The following PIP4K2A variants were observed in gnomAD, a reference collection of about 807,000 sequenced individuals.
PIP4K2A encodes the protein phosphatidylinositol-5-phosphate 4-kinase type 2 alpha.
A neutral mutation model predicts 42.9 loss-of-function variants in PIP4K2A; 14 were observed. The observed-to-expected ratio is 0.33, with a 90% CI of 0.22 to 0.51. PIP4K2A has a LOEUF of 0.51. Among genes scored for constraint, PIP4K2A ranks in the 20% least tolerant of loss-of-function variants. The probability of loss-of-function intolerance (pLI) is 0.97; values close to 1 mark genes in which losing one functional copy is unlikely to be tolerated. For missense variants in PIP4K2A, 434 were observed against 519.8 expected, an observed-to-expected ratio of 0.83 and a Z score of 1.61; for synonymous variants, 192 against 192.2, an observed-to-expected ratio of 1.00 and a Z score of 0.01.
chr10:22,672,342 C>A (rs1221212390), intron 1 of PIP4K2A, among the ~76,000 whole-genome samples: 1 of 152,096 alleles, frequency 6.6e-6, no homozygotes, highest in Admixed American at 6.5e-5. Context: ...ATGCACTGTC[C>A]TTGAACAATG....
intron 6 of PIP4K2A, among the ~76,000 whole-genome samples, chr10:22,551,476 A>G (rs996819628): frequency 6.6e-6 from 1 of 152,254 alleles, no homozygotes; most frequent in African/African-American, 2.4e-5. Context: ...CACTTATGGC[A>G]ACCAACACAA....
chr10:22,700,486 A>G (rs1174251519), intron 1 of PIP4K2A, among the ~76,000 whole-genome samples: 1 of 152,230 alleles, frequency 6.6e-6, no homozygotes, highest in African/African-American at 2.4e-5. Flanking sequence ...TTTTGGATGC[A>G]TGACCCGAGA....
intron 1 of PIP4K2A, among the ~76,000 whole-genome samples, chr10:22,705,076 T>G (rs1387832424): frequency 6.6e-6 from 1 of 151,586 alleles, no homozygotes; most frequent in Non-Finnish European, 1.5e-5. Flanking sequence ...AATGAGGTTA[T>G]ATGCTGAGGG....
At chr10:22,639,793 T>C (rs953297397) in intron 1 of PIP4K2A, among the ~76,000 whole-genome samples, 26 of 152,168 alleles carry the variant, frequency 1.7e-4, no homozygotes, top group Non-Finnish European at 1.0e-4. Flanking sequence ...AACTAAAAAG[T>C]TGTATTTCAT....
Position 22,547,578 on chromosome 10 carries a change from G to A in PIP4K2A, c.792+3081C>T, listed in dbSNP as rs74755600. On this transcript the variant is annotated intron_variant, in intron 7 of 9. Coordinates refer to ENST00000376573, the MANE Select transcript of PIP4K2A (RefSeq NM_005028.5). The stretch of plus-strand genomic sequence containing the variant: ...TGCCACCCATCCCACTACTCCCACC[G>A]CCCTATCCCCTCTCACCCATCTCCA... 1.5e-4 allele frequency among the ~76,000 whole-genome samples: 23 copies of A among 152,244 alleles called. No homozygotes were observed. The East Asian group carries it at 3.5e-3, about 23-fold the overall frequency.
intron 3 of PIP4K2A, among the ~76,000 whole-genome samples, chr10:22,605,758 G>A (rs572010503): frequency 1.3e-5 from 2 of 151,872 alleles, no homozygotes; most frequent in South Asian, 4.2e-4. Context: ...GACGTGGAGA[G>A]AAGGAGGAAC....
At chr10:22,688,637 G>C (rs370479745) in intron 1 of PIP4K2A, among the ~76,000 whole-genome samples, 1 of 152,046 alleles carries the variant, frequency 6.6e-6, no homozygotes, top group Non-Finnish European at 1.5e-5. Flanking sequence ...ATTTTTCATA[G>C]AGATGGGGTC....
At chr10:22,552,473 C>T in intron 6 of PIP4K2A, among the ~76,000 whole-genome samples, 1 of 151,884 alleles carries the variant, frequency 6.6e-6, no homozygotes, top group Non-Finnish European at 1.5e-5. Context: ...ATACGTGCAC[C>T]CCCCATTCCC....
chr10:22,704,449 A>G (rs1232043266), intron 1 of PIP4K2A, among the ~76,000 whole-genome samples: 1 of 152,058 alleles, frequency 6.6e-6, no homozygotes, highest in Non-Finnish European at 1.5e-5. Flanking sequence ...CGGTGTCTCT[A>G]TAGAAATAGG....
chr10:22,705,426 T>TAAAAAAAAAAAAAAAA, intron 1 of PIP4K2A, among the ~76,000 whole-genome samples: 1 of 29,244 alleles, frequency 3.4e-5, no homozygotes, highest in Non-Finnish European at 5.7e-5. Context: ...GTACCCCAGT[T>TAAAAAAAAAAAAAAAA]AAAAAAAAAA....
At chr10:22,676,223 G>C (rs1839555440) in intron 1 of PIP4K2A, among the ~76,000 whole-genome samples, 1 of 152,092 alleles carries the variant, frequency 6.6e-6, no homozygotes, top group Non-Finnish European at 1.5e-5. Context: ...TGCTCAATAA[G>C]ACCCTTGACC....
intron 6 of PIP4K2A, among the ~76,000 whole-genome samples, chr10:22,560,751 C>T (rs182230417): frequency 1.3e-5 from 2 of 152,278 alleles, no homozygotes; most frequent in East Asian, 3.9e-4. Context: ...ATTACACATA[C>T]TTTACTTTAC....
At chr10:22,680,903 T>A (rs1839646762) in intron 1 of PIP4K2A, among the ~76,000 whole-genome samples, 2 of 152,280 alleles carry the variant, frequency 1.3e-5, no homozygotes, top group South Asian at 4.1e-4. Context: ...ACCTGGGTCT[T>A]CCTGCATGTA....
intron 4 of PIP4K2A, among the ~76,000 whole-genome samples, chr10:22,577,708 G>GCGACGCATCTTGT (rs1255155743): frequency 3.3e-5 from 5 of 152,190 alleles, no homozygotes; most frequent in Non-Finnish European, 7.3e-5. Flanking sequence ...CAGTCACACT[G>GCGACGCATCTTGT]CGACGCATCT....
intron 1 of PIP4K2A, among the ~76,000 whole-genome samples, chr10:22,643,835 C>T (rs575579816): frequency 1.3e-5 from 2 of 152,150 alleles, no homozygotes; most frequent in African/African-American, 2.4e-5. Flanking sequence ...CTCCCTGAAG[C>T]GGTCATCCCC....
chr10:22,591,814 G>A (rs773450664), intron 3 of PIP4K2A, 33 bp from the exon 4 acceptor site: 12 of 1,569,662 alleles, frequency 7.6e-6, no homozygotes, highest in South Asian at 3.5e-5. Context: ...GAAGGAAGGC[G>A]GGGGAAGATA....
At position 22,585,550 on chromosome 10, in the gene PIP4K2A, G is replaced by A. The variant is rs566383930; in HGVS notation, c.492+6079C>T. Among the ~76,000 whole-genome samples, 10 of 151,878 alleles carry A rather than the reference G, an allele frequency of 6.6e-5. No individual in the cohort carries two copies. The South Asian group carries it at 8.3e-4, about 13-fold the overall frequency. ...GATCACCTATATTGCAGCTTCCCTC[G>A]GGTTACATTCTAAGTCCTATACAAC... On this transcript the variant is annotated intron_variant, in intron 4 of 9. Coordinates refer to ENST00000376573, the MANE Select transcript of PIP4K2A (RefSeq NM_005028.5).
At chr10:22,578,411 T>C (rs995334001) in intron 4 of PIP4K2A, among the ~76,000 whole-genome samples, 2 of 152,192 alleles carry the variant, frequency 1.3e-5, no homozygotes, top group Admixed American at 1.3e-4. Context: ...TGACAGATGC[T>C]TCTCCGCCTT....
chr10:22,676,014 G>C (rs1839550112), intron 1 of PIP4K2A, among the ~76,000 whole-genome samples: 1 of 152,162 alleles, frequency 6.6e-6, no homozygotes, highest in Non-Finnish European at 1.5e-5. Flanking sequence ...CTTTGTCCCT[G>C]TGCTCCATGA....
Sources: gnomAD v4.1 joint callset for allele counts (sites outside exome capture counted in the v4.1 genomes callset) on GRCh38, gnomAD v4.1.1 for gene constraint, MANE v1.5 for transcripts, NCBI Gene and HGNC (gene_info 2026-07-23, HGNC 2026-07-21) for gene names.